The following C12orf76 variants were observed in gnomAD, a reference collection of about 807,000 sequenced individuals.
C12orf76 encodes the protein uncharacterized protein C12orf76.
In C12orf76, 6 loss-of-function variants were observed where a neutral mutation model predicts 6.8. The ratio of observed to expected loss-of-function variants is 0.88; its 90% CI spans 0.48 to 1.73. The LOEUF (loss-of-function observed/expected upper bound fraction) is 1.73, where lower values mean the gene tolerates loss of function less well. Among genes scored for constraint, C12orf76 ranks in the 40% most tolerant of loss-of-function variants. The pLI, the probability that C12orf76 is intolerant of heterozygous loss-of-function variation, is 0.01. For missense variants in C12orf76, 99 were observed against 98.2 expected (o/e 1.01, Z -0.03); for synonymous variants, 56 against 43.7 (o/e 1.28, Z -1.11).
At chr12:110,068,256 G>GAAGAAGAAGAAGAAGAAA (rs1892904516), upstream of C12orf76, among the ~76,000 whole-genome samples, 1 of 65,700 alleles carries the variant, frequency 1.5e-5, no homozygotes, top group African/African-American at 6.3e-5. Flanking sequence ...GAAAGAAGAA[G>GAAGAAGAAGAAGAAGAAA]AAGAAGAAGA....
upstream of C12orf76, among the ~76,000 whole-genome samples, chr12:110,070,529 G>A (rs1892949706): frequency 6.6e-6 from 1 of 152,164 alleles, no homozygotes; most frequent in South Asian, 2.1e-4. Flanking sequence ...TCACGCCACT[G>A]CACTCCAGCC....
chr12:110,058,855 T>A (rs780905950), intron 3 of C12orf76: 5 of 1,036,876 alleles, frequency 4.8e-6, no homozygotes, highest in Non-Finnish European at 6.8e-6. Flanking sequence ...GTAACCCTAA[T>A]ATGTCCTTAC....
At chr12:110,065,217 C>T (rs1433373727) in intron 2 of C12orf76, among the ~76,000 whole-genome samples, 1 of 151,364 alleles carries the variant, frequency 6.6e-6, no homozygotes, top group Non-Finnish European at 1.5e-5. Context: ...ATCACCCAGG[C>T]TGGAGTGCAG....
upstream of C12orf76, chr12:110,051,428 A>G (rs549349053): frequency 3.3e-4 from 200 of 602,358 alleles, 2 homozygotes; most frequent in South Asian, 3.8e-3. Context: ...GCTGCCCCCA[A>G]TCTCATTTTT....
exon 2 of C12orf76, chr12:110,065,938 T>C (rs747642300): frequency 1.1e-5 from 18 of 1,613,872 alleles, no homozygotes; most frequent in Non-Finnish European, 1.4e-5. Context: ...CTTGGTCCCG[T>C]GTATCACGTG....
intron 2 of C12orf76, among the ~76,000 whole-genome samples, chr12:110,062,082 G>T (rs926253978): frequency 5.3e-5 from 8 of 151,934 alleles, no homozygotes; most frequent in African/African-American, 1.7e-4. Context: ...TGGCCAACGT[G>T]GTAAGACCCC....
chr12:110,067,623 A>C, exon 1 of C12orf76: 1 of 972,136 alleles, frequency 1.0e-6, no homozygotes, highest in Non-Finnish European at 1.2e-6. Flanking sequence ...TGATCCACCC[A>C]CCTCGGCCTC....
intron 1 of C12orf76, chr12:110,067,409 GAGA>G: frequency 2.0e-6 from 2 of 985,432 alleles, no homozygotes; most frequent in African/African-American, 3.5e-5. Flanking sequence ...GCCAGGACTA[GAGA>G]AGTAGACTTC....
chr12:110,061,535 C>A (rs1384927415), intron 2 of C12orf76, among the ~76,000 whole-genome samples: 1 of 142,830 alleles, frequency 7.0e-6, no homozygotes, highest in Non-Finnish European at 1.5e-5. Context: ...ACACTGCATA[C>A]TTTTTTTTTT....
At chr12:110,047,616 C>T (rs1325003393) in intron 1 of C12orf76, among the ~76,000 whole-genome samples, 1 of 151,610 alleles carries the variant, frequency 6.6e-6, no homozygotes, top group Non-Finnish European at 1.5e-5. Flanking sequence ...CCCAGGAGGC[C>T]GAGGCTGCAG....
Position 110,048,437 on chromosome 12 carries a change from T to TC in C12orf76, c.58dup (p.Glu20GlyfsTer62), listed in dbSNP as rs1334852150. ...ATCCACGGGGCTCGGGGCCTCTGCC[T>TC]CCCCCACCAGGAGGCTGCAGAGGCC... On this transcript the variant is annotated frameshift_variant, in exon 1 of 2. Coordinates refer to ENST00000615315, the MANE Select transcript of C12orf76 (RefSeq NM_001389625.1). LOFTEE classifies it high-confidence loss of function. The TC allele has an allele frequency of 1.3e-6, 2 of 1,505,844 alleles. No homozygotes were observed. The highest frequency in any genetic ancestry group is 2.4e-5 in the South Asian group (2 of 81,858). The allele number at this position is 1,505,844 out of a possible 1,614,324, so 93.3% of individuals were successfully genotyped here. A position where few individuals can be genotyped will look rare whatever the true frequency, so the allele number is the denominator to read the frequency against.
upstream of C12orf76, among the ~76,000 whole-genome samples, chr12:110,069,413 C>A (rs1428715677): frequency 6.6e-6 from 1 of 152,250 alleles, no homozygotes; most frequent in Non-Finnish European, 1.5e-5. Context: ...GCACTCCAGC[C>A]TGGGTGACAC....
chr12:110,066,020 A>G (rs950521695), exon 2 of C12orf76: 1 of 1,594,860 alleles, frequency 6.3e-7, no homozygotes, highest in Non-Finnish European at 8.5e-7. Flanking sequence ...CTCCCCCTCA[A>G]GCTCTCACAT....
intron 4 of C12orf76, among the ~76,000 whole-genome samples, chr12:110,055,709 C>T (rs753891337): frequency 6.6e-6 from 1 of 152,046 alleles, no homozygotes; most frequent in African/African-American, 2.4e-5. Context: ...TTAAGGATAA[C>T]TTGGTGGGTT....
At chr12:110,042,780 G>A (rs531557646) in intron 1 of C12orf76, among the ~76,000 whole-genome samples, 1 of 152,230 alleles carries the variant, frequency 6.6e-6, no homozygotes, top group East Asian at 1.9e-4. Context: ...AAGACAGGCC[G>A]AGTGTGGTGG....
chr12:110,063,218 G>C (rs1424799924), intron 2 of C12orf76, among the ~76,000 whole-genome samples: 1 of 151,928 alleles, frequency 6.6e-6, no homozygotes, highest in Admixed American at 6.6e-5. Context: ...GGGGTTACAG[G>C]CATGAGCCAC....
chr12:110,056,277 C>T (rs1013230103), intron 4 of C12orf76, among the ~76,000 whole-genome samples: 1 of 152,132 alleles, frequency 6.6e-6, no homozygotes, highest in Admixed American at 6.6e-5. Flanking sequence ...CCATGTCACC[C>T]TTCCAGGTGT....
chr12:110,042,756 G>A, intron 1 of C12orf76: 1 of 613,316 alleles, frequency 1.6e-6, no homozygotes, highest in South Asian at 1.9e-5. Flanking sequence ...ATCCGAGGAG[G>A]AGACTCACAA....
chr12:110,042,700 G>C, intron 1 of C12orf76: 1 of 655,236 alleles, frequency 1.5e-6, no homozygotes. Context: ...AACATGCTAG[G>C]GATGGAGACA....
Sources: gnomAD v4.1 joint callset for allele counts (sites outside exome capture counted in the v4.1 genomes callset) on GRCh38, gnomAD v4.1.1 for gene constraint, MANE v1.5 for transcripts, NCBI Gene and HGNC (gene_info 2026-07-23, HGNC 2026-07-21) for gene names.